Variants in HOXD10 observed in about 807,000 individuals in gnomAD.
The protein encoded by HOXD10 is homeobox protein Hox-D10.
A neutral mutation model predicts 27.0 loss-of-function variants in HOXD10; 15 were observed. That is an observed-to-expected ratio of 0.56 (90% confidence interval 0.37 to 0.85). The LOEUF (loss-of-function observed/expected upper bound fraction) is 0.85, where lower values mean the gene tolerates loss of function less well. HOXD10 is among the 40% of genes least tolerant of loss of function. The pLI is 0.00. For synonymous variants in HOXD10, 178 were observed against 160.9 expected, an observed-to-expected ratio of 1.11 and a Z score of -0.80; for missense variants, 440 against 430.4, an observed-to-expected ratio of 1.02 and a Z score of -0.20.
chr2:176,118,231 G>A (rs201768990), intron 1 of HOXD10, among the ~76,000 whole-genome samples: 1 of 152,248 alleles, frequency 6.6e-6, no homozygotes, highest in East Asian at 1.9e-4. Flanking sequence ...CTAAGGCAAA[G>A]AGCCAGGGAT....
rs766860933 is a variant in HOXD10 at position 176,117,285 on chromosome 2, A to G, written c.452A>G (p.Tyr151Cys). Residue 151 changes from tyrosine to cysteine, a missense_variant, in exon 1 of 2, where the codon TAT (tyrosine) becomes TGT (cysteine). Tyr to Cys is a radical substitution (Grantham distance 194). Transcript: ENST00000249501. Reference protein sequence around the residue: ...VENPEVPVPGYFRLSQTYATG... With the variant: ...VENPEVPVPGCFRLSQTYATG... ...AACCCTGAGGTTCCCGTCCCTGGATATTTTAGACTGAGTCAGACCTACGCC... is the reference window on the plus strand; with the variant it reads ...AACCCTGAGGTTCCCGTCCCTGGATGTTTTAGACTGAGTCAGACCTACGCC... 6.2e-7 allele frequency: 1 copy of G among 1,611,446 alleles called. No individual in the cohort carries two copies. Among genetic ancestry groups the G allele is most frequent in the Admixed American group, 1.7e-5 (1 of 59,870 alleles).
At position 176,119,809 on chromosome 2, in the gene HOXD10, A is replaced by T. The variant is rs1480095468; in HGVS notation, c.*578A>T. 1.3e-5 allele frequency: 2 copies of T among 152,556 alleles called. No homozygotes were observed. Among genetic ancestry groups the T allele is most frequent in the Non-Finnish European group, 2.9e-5 (2 of 68,032 alleles). 9.5% of individuals were successfully genotyped at this position (152,556 alleles called of 1,614,324 possible). A position where few individuals can be genotyped will look rare whatever the true frequency, so the allele number is the denominator to read the frequency against. Reference sequence around the variant, plus strand: ...TAGCAGTTGTCCTTGGTGAGATGGGATATTGGCGATTTATGCCTTGTAGCC... The same window carrying T: ...TAGCAGTTGTCCTTGGTGAGATGGGTTATTGGCGATTTATGCCTTGTAGCC... On this transcript the variant is annotated 3_prime_UTR_variant, in exon 2 of 2. Transcript: ENST00000249501.
At chr2:176,118,696 G>T (rs1198977975) in intron 1 of HOXD10, among the ~76,000 whole-genome samples, 2 of 152,174 alleles carry the variant, frequency 1.3e-5, no homozygotes, top group Non-Finnish European at 2.9e-5. Flanking sequence ...AGACTGTCCT[G>T]CCATCATGTC....
At position 176,119,435 on chromosome 2, in the gene HOXD10, G is replaced by GTATATATATATA. The variant is rs6147035; in HGVS notation, c.*223_*234dup. On this transcript the variant is annotated 3_prime_UTR_variant, in exon 2 of 2. Transcript: ENST00000249501. ...TGCAAGTGATCTGTAATCCCTATGAGTATATATATATATATATATATATAT... is the reference window on the plus strand; with the variant it reads ...TGCAAGTGATCTGTAATCCCTATGAGTATATATATATATATATATATATATATATATATATAT... 0.043 allele frequency: 7,554 copies of GTATATATATATA among 177,404 alleles called. 526 individuals carry two copies. The highest frequency in any genetic ancestry group is 0.064 in the African/African-American group (1,371 of 21,402). 11.0% of individuals were successfully genotyped at this position (177,404 alleles called of 1,614,324 possible). A position where few individuals can be genotyped will look rare whatever the true frequency, so the allele number is the denominator to read the frequency against.
rs1689836942 is a variant in HOXD10, at chr2:176,119,761, A to G, written c.*530A>G. 1 of 152,570 alleles carries G rather than the reference A, an allele frequency of 6.6e-6. No homozygotes were observed. Among genetic ancestry groups the G allele is most frequent in the Non-Finnish European group, 1.5e-5 (1 of 68,024 alleles). 9.5% of individuals were successfully genotyped at this position (152,570 alleles called of 1,614,324 possible). ...AGGGGGACTTAAAAAGCACATTACAATGTATCTTTTCACAAATGAATTTAG... is the reference window on the plus strand; with the variant it reads ...AGGGGGACTTAAAAAGCACATTACAGTGTATCTTTTCACAAATGAATTTAG... On this transcript the variant is annotated 3_prime_UTR_variant, in exon 2 of 2. Coordinates refer to ENST00000249501, the MANE Select transcript of HOXD10 (RefSeq NM_002148.4).
At chr2:176,118,267 T>A (rs1056616378) in intron 1 of HOXD10, among the ~76,000 whole-genome samples, 2 of 152,110 alleles carry the variant, frequency 1.3e-5, no homozygotes, top group African/African-American at 4.8e-5. Context: ...GGAACCCTCC[T>A]CCTCTCCCCC....
intron 1 of HOXD10, among the ~76,000 whole-genome samples, chr2:176,118,400 G>A (rs1289832387): frequency 6.6e-6 from 1 of 152,196 alleles, no homozygotes; most frequent in Non-Finnish European, 1.5e-5. Context: ...GCAAGGTGGG[G>A]GAAGGTGTCT....
At position 176,116,960 on chromosome 2, in the gene HOXD10, A is replaced by T; in HGVS notation, c.127A>T (p.Met43Leu). 1 of 1,614,176 alleles carries T rather than the reference A, an allele frequency of 6.2e-7. No individual in the cohort carries two copies. The highest frequency in any genetic ancestry group is 8.5e-7 in the Non-Finnish European group (1 of 1,180,026). ...GTACATGCCACCACCTAGCGCAGAC[A>T]TGGGGACCTATGGAATGCAAACCTG... is the stretch of plus-strand genomic sequence containing the variant. ...SMYMPPPSAD[M>L]GTYGMQTCGL... The change falls in exon 1 of 2, where the codon ATG becomes TTG. Residue 43 changes from methionine (M) to leucine (L), a missense_variant. Transcript: ENST00000249501.
Position 176,119,656 on chromosome 2 carries a change from C to T in HOXD10, c.*425C>T, listed in dbSNP as rs1476874867. On this transcript the variant is annotated 3_prime_UTR_variant, in exon 2 of 2. Transcript: ENST00000249501. ...GTGTGGTTAGTCCATGAACTCATGGCATTTTGAATACATCCAGTACTTTAA... is the reference window on the plus strand; with the variant it reads ...GTGTGGTTAGTCCATGAACTCATGGTATTTTGAATACATCCAGTACTTTAA... 1 of 151,588 alleles carries T rather than the reference C, an allele frequency of 6.6e-6. No individual in the cohort carries two copies. Among genetic ancestry groups the T allele is most frequent in the Non-Finnish European group, 1.5e-5 (1 of 67,874 alleles). The allele number at this position is 151,588 out of a possible 1,614,324, so 9.4% of individuals were successfully genotyped here.
At position 176,117,066 on chromosome 2, in the gene HOXD10, T is replaced by G; in HGVS notation, c.233T>G (p.Val78Gly). ...AATGTGCATCCTTATATACCTCAAG[T>G]AGACAGTTGGACAGATCCGAACAGA... ...GMNVHPYIPQVDSWTDPNRSC... is the reference protein window; with the variant it reads ...GMNVHPYIPQGDSWTDPNRSC... Residue 78 changes from valine (V) to glycine (G), a missense_variant, in exon 1 of 2, where the codon GTA (valine) becomes GGA (glycine). Physicochemically the swap from Val to Gly is moderately radical, Grantham distance 109 (BLOSUM62 -3). Transcript: ENST00000249501. 1 of 1,614,086 alleles carries G rather than the reference T, an allele frequency of 6.2e-7. No homozygotes were observed. Among genetic ancestry groups the G allele is most frequent in the Non-Finnish European group, 8.5e-7 (1 of 1,180,014 alleles).
Position 176,119,439 on chromosome 2 carries a change from A to G in HOXD10, c.*208A>G, listed in dbSNP as rs867143553. On this transcript the variant is annotated 3_prime_UTR_variant, in exon 2 of 2. Transcript: ENST00000249501. ...AGTGATCTGTAATCCCTATGAGTAT[A>G]TATATATATATATATATATATATAT... is the stretch of plus-strand genomic sequence containing the variant. 237 of 141,958 alleles carry G rather than the reference A, an allele frequency of 1.7e-3. 1 individual carries two copies. The highest frequency in any genetic ancestry group is 5.0e-3 in the African/African-American group (153 of 30,316). The allele number at this position is 141,958 out of a possible 1,614,324, so 8.8% of individuals were successfully genotyped here.
Position 176,117,453 on chromosome 2 carries a change from G to T in HOXD10, c.620G>T (p.Gly207Val), listed in dbSNP as rs749929272. ...AAGAAGATGAACGAGCCCGTGAGCG[G>T]CCAGGAGCCCACCAAAGTCTCCCAG... is the stretch of plus-strand genomic sequence containing the variant. ...MEKKMNEPVS[G>V]QEPTKVSQVE... The change falls in exon 1 of 2, where the codon GGC becomes GTC. Residue 207 changes from glycine to valine, a missense_variant. By Grantham distance (109) the Gly-to-Val change is moderately radical (BLOSUM62 -3). Coordinates refer to ENST00000249501, the MANE Select transcript of HOXD10 (RefSeq NM_002148.4). 2 of 1,613,128 alleles carry T rather than the reference G, an allele frequency of 1.2e-6. No homozygotes were observed. The highest frequency in any genetic ancestry group is 2.2e-5 in the East Asian group (1 of 44,886).
At position 176,117,373 on chromosome 2, in the gene HOXD10, C is replaced by G. The variant is rs1423416450; in HGVS notation, c.540C>G (p.Leu180=). Residue 180 remains leucine, a synonymous_variant, in exon 1 of 2, where the codon CTC becomes CTG. Transcript: ENST00000249501. ...PEGSSTVMLQ[L]NPRGAAKPQL... is the part of the protein sequence containing the mutation. ...GCAGCTCCACTGTCATGCTCCAGCTCAACCCTCGTGGCGCGGCCAAGCCGC... is the reference window on the plus strand; with the variant it reads ...GCAGCTCCACTGTCATGCTCCAGCTGAACCCTCGTGGCGCGGCCAAGCCGC... 1.2e-6 allele frequency: 2 copies of G among 1,613,468 alleles called. No individual in the cohort carries two copies. Among genetic ancestry groups the G allele is most frequent in the Non-Finnish European group, 8.5e-7 (1 of 1,180,008 alleles).
intron 1 of HOXD10, 47 bp from the exon 2 acceptor site, chr2:176,118,907 C>CA (rs144089581): frequency 3.2e-5 from 49 of 1,530,142 alleles, no homozygotes; most frequent in Non-Finnish European, 4.0e-5. Context: ...AACAAACAAA[C>CA]AAAAAACCTC....
intron 1 of HOXD10, 72 bp from the exon 2 acceptor site, chr2:176,118,882 A>C (rs77946005): frequency 0.062 from 47,662 of 774,848 alleles, 2,564 homozygotes; most frequent in East Asian, 0.3. Flanking sequence ...AAACCAAAAC[A>C]AAAACAAAAA....
chr2:176,117,182 T>C lies in HOXD10; in HGVS notation c.349T>C (p.Ser117Pro). 1 of 1,614,112 alleles carries C rather than the reference T, an allele frequency of 6.2e-7. No individual in the cohort carries two copies. The highest frequency in any genetic ancestry group is 8.5e-7 in the Non-Finnish European group (1 of 1,179,932). The change falls in exon 1 of 2, where the codon TCT becomes CCT. Residue 117 changes from serine to proline, a missense_variant. By Grantham distance (74) the Ser-to-Pro change is moderately conservative (BLOSUM62 -1). Coordinates refer to ENST00000249501, the MANE Select transcript of HOXD10 (RefSeq NM_002148.4). ...GGAAGAATCCAATTGCTGCATGTAT[T>C]CTGATAAGCGCAACAAACTCATTTC... is the stretch of plus-strand genomic sequence containing the variant. Reference protein sequence around the residue: ...IKEESNCCMYSDKRNKLISAE... With the variant: ...IKEESNCCMYPDKRNKLISAE...
Position 176,116,962 on chromosome 2 carries a change from G to A in HOXD10, c.129G>A (p.Met43Ile), listed in dbSNP as rs1689766619. Residue 43 changes from methionine (M) to isoleucine (I), a missense_variant, in exon 1 of 2, where the codon ATG becomes ATA. Met to Ile is a conservative substitution (Grantham distance 10, BLOSUM62 1). Transcript: ENST00000249501. Reference protein sequence around the residue: ...SMYMPPPSADMGTYGMQTCGL... With the variant: ...SMYMPPPSADIGTYGMQTCGL... The stretch of plus-strand genomic sequence containing the variant: ...ACATGCCACCACCTAGCGCAGACAT[G>A]GGGACCTATGGAATGCAAACCTGTG... The A allele has an allele frequency of 6.2e-7, 1 of 1,614,174 alleles. No homozygotes were observed. Among genetic ancestry groups the A allele is most frequent in the Non-Finnish European group, 8.5e-7 (1 of 1,180,022 alleles).
chr2:176,117,653 C>A, intron 1 of HOXD10, 75 bp downstream of exon 1: 1 of 1,551,502 alleles, frequency 6.4e-7, no homozygotes, highest in Non-Finnish European at 8.8e-7. Context: ...TGCCGGGGTG[C>A]CCAGCGCCGA....
In HOXD10 at chr2:176,116,895, C is replaced by T. The variant is rs2105393560; in HGVS notation, c.62C>T (p.Ala21Val). Residue 21 changes from alanine to valine, a missense_variant, in exon 1 of 2, where the codon GCC becomes GTC. Physicochemically the swap from Ala to Val is moderately conservative, Grantham distance 64. Transcript: ENST00000249501. ...NTFLVDSLIS[A>V]CRSDSFYSSS... ...TTTTTAGTAGATTCCTTGATCAGTGCCTGCAGGAGTGACAGTTTTTATTCC... is the reference window on the plus strand; with the variant it reads ...TTTTTAGTAGATTCCTTGATCAGTGTCTGCAGGAGTGACAGTTTTTATTCC... 7 of 1,613,894 alleles carry T rather than the reference C, an allele frequency of 4.3e-6. No homozygotes were observed. The highest frequency in any genetic ancestry group is 5.9e-6 in the Non-Finnish European group (7 of 1,179,756).
Sources: gnomAD v4.1 joint callset for allele counts (sites outside exome capture counted in the v4.1 genomes callset) on GRCh38, gnomAD v4.1.1 for gene constraint, MANE v1.5 for transcripts, NCBI Gene and HGNC (gene_info 2026-07-23, HGNC 2026-07-21) for gene names.